Variants in PDGFRL observed in about 807,000 individuals in gnomAD.
PDGFRL encodes platelet derived growth factor receptor like.
Under a neutral mutation model 37.2 loss-of-function variants are expected in PDGFRL, and 46 were observed. That is an observed-to-expected ratio of 1.24 (90% CI 0.98 to 1.58). The LOEUF is 1.58. Among genes scored for constraint, PDGFRL ranks in the 40% most tolerant of loss-of-function variants. The pLI is 0.00. For missense variants in PDGFRL, 692 were observed against 467.6 expected, an observed-to-expected ratio of 1.48 and a Z score of -4.43; for synonymous variants, 251 against 184.3, an observed-to-expected ratio of 1.36 and a Z score of -2.93.
upstream of PDGFRL, chr8:17,577,081 C>CCAAAAAAAAAAAAAAAAAAAAAAA (rs1563499525): frequency 9.1e-6 from 1 of 109,450 alleles, no homozygotes; most frequent in Admixed American, 1.7e-4. Context: ...ACACAGAGAA[C>CCAAAAAAAAAAAAAAAAAAAAAAA]TAAAAAAAAA....
At chr8:17,609,586 T>C (rs2588117) in intron 2 of PDGFRL, among the ~76,000 whole-genome samples, 140,830 of 142,150 alleles carry the variant, frequency 0.99, 69,771 homozygotes, top group Middle Eastern at 1. Flanking sequence ...TGCAGTGAGC[T>C]GAGATCACGC....
intron 3 of PDGFRL, among the ~76,000 whole-genome samples, chr8:17,621,529 C>T (rs1268196371): frequency 6.6e-6 from 1 of 151,940 alleles, no homozygotes; most frequent in Non-Finnish European, 1.5e-5. Context: ...AGGGTCTGTC[C>T]CTGCACTCCC....
intron 4 of PDGFRL, among the ~76,000 whole-genome samples, chr8:17,632,372 G>T (rs1209140817): frequency 9.9e-5 from 15 of 151,016 alleles, no homozygotes; most frequent in Non-Finnish European, 1.5e-4. Context: ...CAGAGTCTTG[G>T]CTCTGTTGCC....
intron 2 of PDGFRL, among the ~76,000 whole-genome samples, chr8:17,594,045 C>T (rs962073444): frequency 6.6e-6 from 1 of 152,032 alleles, no homozygotes; most frequent in Non-Finnish European, 1.5e-5. Context: ...TCTTTCCTGG[C>T]AGTCACCTTG....
intron 2 of PDGFRL, among the ~76,000 whole-genome samples, chr8:17,597,134 C>T (rs1050167554): frequency 1.3e-5 from 2 of 152,204 alleles, no homozygotes; most frequent in South Asian, 4.1e-4. Context: ...AATTCTAGTG[C>T]CTCAGCCTCC....
At chr8:17,598,340 A>T (rs538552608) in intron 2 of PDGFRL, among the ~76,000 whole-genome samples, 7 of 152,196 alleles carry the variant, frequency 4.6e-5, no homozygotes, top group Non-Finnish European at 7.3e-5. Flanking sequence ...ACTTCTTTAT[A>T]ATCTGGGATC....
intron 5 of PDGFRL, among the ~76,000 whole-genome samples, chr8:17,638,738 CAT>C (rs56085770): frequency 0.013 from 599 of 46,870 alleles, 1 homozygote; most frequent in Non-Finnish European, 0.017. Flanking sequence ...GCATTAGGTG[CAT>C]ATATATATAT....
chr8:17,621,278 T>G, intron 3 of PDGFRL, 76 bp downstream of exon 3: 1 of 920,824 alleles, frequency 1.1e-6, no homozygotes, highest in Non-Finnish European at 1.7e-6. Flanking sequence ...CCCCACTGCA[T>G]GCTGAATAGC....
intron 2 of PDGFRL, among the ~76,000 whole-genome samples, chr8:17,608,747 A>G (rs1804340493): frequency 6.6e-6 from 1 of 152,262 alleles, no homozygotes; most frequent in Admixed American, 6.5e-5. Flanking sequence ...CAAACCAGAT[A>G]CAAGGACAGA....
rs2129661767 is a variant in PDGFRL at position 17,601,801 on chromosome 8, A to G, written c.353+12036A>G. Reference sequence around the variant, plus strand: ...ATGTTGCTGCAAAGGACATGATTTCATTCTTTTTTATGGTTGTGTAGTATT... The same window carrying G: ...ATGTTGCTGCAAAGGACATGATTTCGTTCTTTTTTATGGTTGTGTAGTATT... On this transcript the variant is annotated intron_variant, in intron 2 of 5. Transcript: ENST00000251630. 2.6e-5 allele frequency among the ~76,000 whole-genome samples: 4 copies of G among 152,232 alleles called. 1 individual carries two copies. The highest frequency in any genetic ancestry group is 6.8e-3 in the Middle Eastern group (2 of 294).
At chr8:17,625,005 T>G (rs866474393) in intron 3 of PDGFRL, among the ~76,000 whole-genome samples, 2 of 151,820 alleles carry the variant, frequency 1.3e-5, no homozygotes, top group East Asian at 1.9e-4. Flanking sequence ...TTATTATTAT[T>G]ATACTTTAAG....
intron 3 of PDGFRL, among the ~76,000 whole-genome samples, chr8:17,624,167 T>G (rs1220851048): frequency 6.6e-6 from 1 of 152,176 alleles, no homozygotes; most frequent in East Asian, 1.9e-4. Context: ...AGATGGGCTG[T>G]TACAGAAGCT....
chr8:17,599,014 C>G (rs150081110), intron 2 of PDGFRL, among the ~76,000 whole-genome samples: 1 of 152,288 alleles, frequency 6.6e-6, no homozygotes, highest in Non-Finnish European at 1.5e-5. Flanking sequence ...TCTTTATTAG[C>G]AATGTGAGAA....
chr8:17,577,113 C>G (rs1370783769), upstream of PDGFRL: 1 of 1,237,900 alleles, frequency 8.1e-7, no homozygotes, highest in Non-Finnish European at 1.1e-6. Context: ...AACTTTTTCC[C>G]CCAAACCTTG....
At chr8:17,628,371 C>G in intron 3 of PDGFRL, 116 bp from the exon 4 acceptor site, 2 of 723,024 alleles carry the variant, frequency 2.8e-6, no homozygotes, top group Non-Finnish European at 4.8e-6. Flanking sequence ...AAAAGAAAAC[C>G]CGGCCTTTCC....
chr8:17,615,133 C>T (rs1021164059), intron 2 of PDGFRL, among the ~76,000 whole-genome samples: 3 of 152,222 alleles, frequency 2.0e-5, no homozygotes, highest in East Asian at 3.9e-4. Flanking sequence ...GTGTCTCTTC[C>T]GTATTGCCAG....
At chr8:17,579,851 A>C (rs1158490902) in intron 1 of PDGFRL, among the ~76,000 whole-genome samples, 2 of 152,142 alleles carry the variant, frequency 1.3e-5, no homozygotes, top group Non-Finnish European at 2.9e-5. Flanking sequence ...ATAATACTTC[A>C]TGGCATGAAA....
intron 2 of PDGFRL, among the ~76,000 whole-genome samples, chr8:17,590,959 TA>T (rs1803925857): frequency 6.6e-6 from 1 of 150,424 alleles, no homozygotes; most frequent in Non-Finnish European, 1.5e-5. Context: ...CTTGGCTCAC[TA>T]CAAGCTCCGC....
chr8:17,630,429 T>C (rs866214030), intron 4 of PDGFRL, among the ~76,000 whole-genome samples: 6 of 152,342 alleles, frequency 3.9e-5, no homozygotes, highest in Admixed American at 2.6e-4. Context: ...GGTAGGGAGA[T>C]CTGTTGGTCA....
Sources: allele counts gnomAD v4.1 joint callset (sites outside exome capture counted in the v4.1 genomes callset), GRCh38; gene constraint gnomAD v4.1.1; transcripts MANE v1.5; gene names NCBI Gene and HGNC (gene_info 2026-07-23, HGNC 2026-07-21).